The following CPXM2 variants were observed in gnomAD, a reference collection of about 807,000 sequenced individuals.
The protein encoded by CPXM2 is inactive carboxypeptidase-like protein X2.
A neutral mutation model predicts 86.1 loss-of-function variants in CPXM2; 66 were observed. That is an observed-to-expected ratio of 0.77 (90% CI 0.63 to 0.94). The LOEUF (loss-of-function observed/expected upper bound fraction) is 0.94. Among genes scored for constraint, CPXM2 ranks in the 40% least tolerant of loss-of-function variants. The pLI is 0.00. For synonymous variants in CPXM2, 388 were observed against 400.2 expected (o/e 0.97, Z 0.36); for missense variants, 948 against 1,026.3 (o/e 0.92, Z 1.04).
chr10:123,857,627 CGTGG>C (rs879792448), intron 3 of CPXM2, among the ~76,000 whole-genome samples: 13,956 of 118,020 alleles, frequency 0.12, 763 homozygotes, highest in African/African-American at 0.2. Flanking sequence ...TGGAAGGCGG[CGTGG>C]AGATGGAAGG....
At chr10:123,822,021 C>T (rs1248323759) in intron 4 of CPXM2, among the ~76,000 whole-genome samples, 1 of 152,178 alleles carries the variant, frequency 6.6e-6, no homozygotes, top group Non-Finnish European at 1.5e-5. Context: ...TTCTTCAACA[C>T]ATTCCTGTTG....
At chr10:123,763,970 TC>T (rs1301144009) in intron 10 of CPXM2, among the ~76,000 whole-genome samples, 1 of 152,188 alleles carries the variant, frequency 6.6e-6, no homozygotes, top group Non-Finnish European at 1.5e-5. Context: ...TGTCCCATAT[TC>T]CCTCCCACAC....
At chr10:123,840,093 T>A (rs1178707609) in intron 4 of CPXM2, among the ~76,000 whole-genome samples, 3 of 152,168 alleles carry the variant, frequency 2.0e-5, no homozygotes, top group Non-Finnish European at 4.4e-5. Context: ...GACTACTGGG[T>A]CTCTAAGGAC....
chr10:123,903,797 C>A (rs80113319), intron 2 of CPXM2, among the ~76,000 whole-genome samples: 8,737 of 152,278 alleles, frequency 0.057, 361 homozygotes, highest in East Asian at 0.21. Context: ...AAAGTGGAGC[C>A]AAACCAATTA....
At chr10:123,786,646 A>G (rs893228767) in intron 6 of CPXM2, among the ~76,000 whole-genome samples, 1 of 152,210 alleles carries the variant, frequency 6.6e-6, no homozygotes, top group Non-Finnish European at 1.5e-5. Flanking sequence ...CAACGGATGG[A>G]GACGGGACAC....
At position 123,754,958 on chromosome 10, in the gene CPXM2, G is replaced by A. The variant is rs112252570; in HGVS notation, c.1918-196C>T. Among the ~76,000 whole-genome samples the A allele has an allele frequency of 6.6e-6, 1 of 152,214 alleles. No homozygotes were observed. Among genetic ancestry groups the A allele is most frequent in the African/African-American group, 2.4e-5 (1 of 41,446 alleles). On this transcript the variant is annotated intron_variant, in intron 12 of 13. Transcript: ENST00000241305. The surrounding 1 kb of genome is among the most constrained non-coding windows in gnomAD (Gnocchi z 4.0). ...ATTGTTGGGTTCAATTAACAAGGGCGAGGTCTTAATGTAAGAAAAGTGAAC... is the reference window on the plus strand; with the variant it reads ...ATTGTTGGGTTCAATTAACAAGGGCAAGGTCTTAATGTAAGAAAAGTGAAC...
chr10:123,866,671 T>C (rs1022113422), intron 2 of CPXM2, among the ~76,000 whole-genome samples: 2 of 152,104 alleles, frequency 1.3e-5, no homozygotes, highest in African/African-American at 4.8e-5. Flanking sequence ...CAGGCAGGTG[T>C]GAACGCTGCA....
chr10:123,902,326 C>G (rs1590113587), intron 2 of CPXM2, among the ~76,000 whole-genome samples: 1 of 152,286 alleles, frequency 6.6e-6, no homozygotes, highest in East Asian at 1.9e-4. Context: ...AGGCTGACCT[C>G]ACCAACTTAG....
At chr10:123,823,628 TAAGAAAATA>T (rs1847978423) in intron 4 of CPXM2, among the ~76,000 whole-genome samples, 2 of 151,572 alleles carry the variant, frequency 1.3e-5, no homozygotes, top group Non-Finnish European at 2.9e-5. Flanking sequence ...TTTGGAAGGA[TAAGAAAATA>T]AAGAGAGACA....
intron 3 of CPXM2, among the ~76,000 whole-genome samples, chr10:123,855,054 T>C (rs1280305528): frequency 6.6e-6 from 1 of 151,502 alleles, no homozygotes; most frequent in Non-Finnish European, 1.5e-5. Context: ...AAGAACAGCA[T>C]ATTACCATCA....
chr10:123,785,923 G>A (rs544169299), intron 6 of CPXM2, among the ~76,000 whole-genome samples: 12 of 152,232 alleles, frequency 7.9e-5, no homozygotes, highest in South Asian at 6.2e-4. Flanking sequence ...GTAAGCCACC[G>A]CGCCCAGCCC....
At chr10:123,766,929 C>A (rs1340576572) in intron 10 of CPXM2, 44 bp downstream of exon 10, 1 of 1,503,764 alleles carries the variant, frequency 6.6e-7, no homozygotes, top group Non-Finnish European at 9.3e-7. Flanking sequence ...GGAGGTTAAG[C>A]CTTGCCTTTG....
chr10:123,938,858 C>T (rs1945747458), intron 2 of CPXM2, among the ~76,000 whole-genome samples: 1 of 152,084 alleles, frequency 6.6e-6, no homozygotes, highest in African/African-American at 2.4e-5. Flanking sequence ...CAGGTGGGAC[C>T]CAGCCCAGGT....
At chr10:123,842,577 G>A in intron 3 of CPXM2, 89 bp from the exon 4 acceptor site, 1 of 1,314,366 alleles carries the variant, frequency 7.6e-7, no homozygotes. Flanking sequence ...GAGGAAGGGA[G>A]GGAGGATAGG....
chr10:123,912,321 G>A (rs1173910239), intron 2 of CPXM2, among the ~76,000 whole-genome samples: 2 of 120,374 alleles, frequency 1.7e-5, no homozygotes, highest in Non-Finnish European at 1.7e-5. Flanking sequence ...GGGGGGGGGG[G>A]CAGGCATTCC....
intron 2 of CPXM2, among the ~76,000 whole-genome samples, chr10:123,877,640 C>A (rs1020142911): frequency 1.3e-5 from 2 of 152,178 alleles, no homozygotes; most frequent in Non-Finnish European, 2.9e-5. Flanking sequence ...ATGGACCAGC[C>A]CAAAGCCAAG....
intron 2 of CPXM2, among the ~76,000 whole-genome samples, chr10:123,927,642 G>C (rs996749535): frequency 3.9e-5 from 6 of 152,170 alleles, no homozygotes; most frequent in African/African-American, 1.4e-4. Context: ...TGCGGCCTTA[G>C]GGCTCCCAAC....
intron 3 of CPXM2, 54 bp from the exon 4 acceptor site, chr10:123,842,542 A>C: frequency 6.4e-7 from 1 of 1,572,052 alleles, no homozygotes; most frequent in Non-Finnish European, 8.7e-7. Context: ...GAAGAAAATT[A>C]AGACATATCT....
chr10:123,887,368 G>A (rs1945194743), intron 1 of CPXM2, among the ~76,000 whole-genome samples: 5 of 152,258 alleles, frequency 3.3e-5, no homozygotes, highest in African/African-American at 9.6e-5. Flanking sequence ...AAGATTCTAC[G>A]GTTCCATATC....
Sources: allele counts gnomAD v4.1 joint callset (sites outside exome capture counted in the v4.1 genomes callset), GRCh38; gene constraint gnomAD v4.1.1; non-coding constraint Gnocchi (gnomAD v3.1); transcripts MANE v1.5; gene names NCBI Gene and HGNC (gene_info 2026-07-23, HGNC 2026-07-21).